The following LTF variants were observed in gnomAD, a reference collection of about 807,000 sequenced individuals.
LTF encodes lactotransferrin.
LTF carries 91 observed loss-of-function variants against 87.2 expected under a neutral mutation model. The ratio of observed to expected loss-of-function variants is 1.04; its 90% CI spans 0.88 to 1.24. The LOEUF (loss-of-function observed/expected upper bound fraction) is 1.24, where lower values mean the gene tolerates loss of function less well. LTF is among the 50% of genes most tolerant of loss of function. The pLI is 0.00. For synonymous variants in LTF, 378 were observed against 356.1 expected, an observed-to-expected ratio of 1.06 and a Z score of -0.69; for missense variants, 901 against 904.3, an observed-to-expected ratio of 1.00 and a Z score of 0.05.
In LTF at chr3:46,450,721, C is replaced by T. The variant is rs750957842; in HGVS notation, c.704-48G>A. The T allele has an allele frequency of 2.6e-6, 4 of 1,513,812 alleles. No individual in the cohort carries two copies. The African/African-American group carries it at 4.1e-5, about 16-fold the overall frequency. The allele number at this position is 1,513,812 out of a possible 1,614,324, so 93.8% of individuals were successfully genotyped here. On this transcript the variant is annotated intron_variant, in intron 6 of 16. Coordinates refer to ENST00000231751, the MANE Select transcript of LTF (RefSeq NM_002343.6). ...GGGAGTCTAGATAAGCCGACTCCAG[C>T]AGTAACCTCGAGCTATAGTTCCCCT...
intron 2 of LTF, among the ~76,000 whole-genome samples, chr3:46,457,482 GCA>G (rs1278735354): frequency 6.6e-6 from 1 of 152,200 alleles, no homozygotes. Flanking sequence ...CAGATGAGGA[GCA>G]CGTTTCCCCC....
intron 11 of LTF, 65 bp from the exon 12 acceptor site, chr3:46,445,501 T>C (rs1702631435): frequency 2.0e-6 from 3 of 1,481,510 alleles, no homozygotes; most frequent in East Asian, 2.3e-5. Context: ...TGGATTCCAG[T>C]GGAGCTGTCT....
At chr3:46,471,335 T>C (rs1374293478) in intron 1 of LTF, among the ~76,000 whole-genome samples, 1 of 152,216 alleles carries the variant, frequency 6.6e-6, no homozygotes, top group Non-Finnish European at 1.5e-5. Flanking sequence ...TCTGTCTCTA[T>C]TTCCCTCTCT....
chr3:46,439,223 C>G, intron 15 of LTF, 73 bp downstream of exon 15: 1 of 1,437,660 alleles, frequency 7.0e-7, no homozygotes, highest in East Asian at 2.3e-5. Flanking sequence ...GCTGGTGCAC[C>G]TAGCTCTGTG....
Position 46,436,021 on chromosome 3 carries a change from A to G in LTF, c.*174T>C. 2 of 631,716 alleles carry G rather than the reference A, an allele frequency of 3.2e-6. No homozygotes were observed. Among genetic ancestry groups the G allele is most frequent in the Non-Finnish European group, 5.6e-6 (2 of 354,198 alleles). The allele number at this position is 631,716 out of a possible 1,614,324, so 39.1% of individuals were successfully genotyped here. ...GACACTTTATAAGGAGAGAATATCA[A>G]CAAAATTTCTCATTTTACTTCTTGC... On this transcript the variant is annotated 3_prime_UTR_variant, in exon 17 of 17. Transcript: ENST00000231751.
intron 1 of LTF, among the ~76,000 whole-genome samples, chr3:46,464,085 C>T (rs1703152800): frequency 6.6e-6 from 1 of 152,188 alleles, no homozygotes; most frequent in Admixed American, 6.5e-5. Context: ...CGGCCTGGGA[C>T]CTTCCCCTCC....
upstream of LTF, chr3:46,469,463 G>C (rs978643676): frequency 6.6e-6 from 1 of 152,292 alleles, no homozygotes; most frequent in Non-Finnish European, 1.5e-5. Context: ...CCAGCTGAGT[G>C]GACTTGGGCA....
At chr3:46,471,973 G>T (rs1703295247) in intron 1 of LTF, among the ~76,000 whole-genome samples, 1 of 152,152 alleles carries the variant, frequency 6.6e-6, no homozygotes, top group African/African-American at 2.4e-5. Context: ...AGCCAATTTT[G>T]TTTGCAGTCA....
intron 5 of LTF, among the ~76,000 whole-genome samples, chr3:46,454,988 T>G (rs1702891183): frequency 6.6e-6 from 1 of 152,054 alleles, no homozygotes; most frequent in African/African-American, 2.4e-5. Flanking sequence ...GAAATTAGTA[T>G]GAGGAACCCA....
upstream of LTF, chr3:46,464,907 C>A (rs774034609): frequency 2.7e-5 from 43 of 1,607,294 alleles, no homozygotes; most frequent in Middle Eastern, 1.7e-4. Flanking sequence ...GAAGGCTCTG[C>A]CACTTGCGCC....
At chr3:46,451,527 G>A (rs1031239339) in intron 6 of LTF, among the ~76,000 whole-genome samples, 2 of 152,060 alleles carry the variant, frequency 1.3e-5, no homozygotes, top group Admixed American at 6.5e-5. Context: ...TTGTTTATGT[G>A]TTCAACATCT....
At chr3:46,454,583 G>A (rs1702880061) in intron 5 of LTF, among the ~76,000 whole-genome samples, 1 of 152,222 alleles carries the variant, frequency 6.6e-6, no homozygotes, top group South Asian at 2.1e-4. Flanking sequence ...TGCTTTGAGG[G>A]CTAAGAGGAC....
chr3:46,451,170 G>A (rs1025332507), intron 6 of LTF, among the ~76,000 whole-genome samples: 1 of 152,168 alleles, frequency 6.6e-6, no homozygotes, highest in Non-Finnish European at 1.5e-5. Context: ...ATGAGTTCAG[G>A]CAAATGTGGA....
At chr3:46,459,009 C>A (rs1330747364) in intron 2 of LTF, among the ~76,000 whole-genome samples, 2 of 152,218 alleles carry the variant, frequency 1.3e-5, no homozygotes, top group Non-Finnish European at 2.9e-5. Flanking sequence ...GCCTCGGGAA[C>A]TTTTATGCAA....
At chr3:46,463,109 A>G (rs1010501025) in intron 1 of LTF, among the ~76,000 whole-genome samples, 2 of 151,980 alleles carry the variant, frequency 1.3e-5, no homozygotes, top group African/African-American at 4.8e-5. Context: ...GAGCTATGTG[A>G]CCCCCTGAAG....
chr3:46,436,122 A>C lies in LTF; in HGVS notation c.*73T>G. 1.4e-6 allele frequency: 2 copies of C among 1,467,822 alleles called. No homozygotes were observed. The highest frequency in any genetic ancestry group is 9.6e-7 in the Non-Finnish European group (1 of 1,047,080). The allele number at this position is 1,467,822 out of a possible 1,614,324, so 90.9% of individuals were successfully genotyped here. A position where few individuals can be genotyped will look rare whatever the true frequency, so the allele number is the denominator to read the frequency against. ...CAGCAGGGGAGGCCAAGGCCCCAAC[A>C]CACCTGGGGAGAAGAGCTGGGGGCA... On this transcript the variant is annotated 3_prime_UTR_variant, in exon 17 of 17. Coordinates refer to ENST00000231751, the MANE Select transcript of LTF (RefSeq NM_002343.6).
chr3:46,463,645 G>A (rs1226574076), intron 1 of LTF: 3 of 985,416 alleles, frequency 3.0e-6, no homozygotes, highest in African/African-American at 1.7e-5. Flanking sequence ...AAACCCAGTG[G>A]TGCAACTCTG....
intron 1 of LTF, among the ~76,000 whole-genome samples, chr3:46,461,756 CA>C (rs778058654): frequency 5.1e-5 from 6 of 117,058 alleles, no homozygotes; most frequent in African/African-American, 9.7e-5. Context: ...GAATTGTACG[CA>C]AATAGGTGAT....
intron 1 of LTF, among the ~76,000 whole-genome samples, chr3:46,484,298 G>T (rs567341988): frequency 1.3e-5 from 2 of 152,328 alleles, no homozygotes; most frequent in East Asian, 3.9e-4. Context: ...AAAGAACAAA[G>T]TTGTTTGGCA....
Sources: allele counts gnomAD v4.1 joint callset (sites outside exome capture counted in the v4.1 genomes callset), GRCh38; gene constraint gnomAD v4.1.1; transcripts MANE v1.5; gene names NCBI Gene and HGNC (gene_info 2026-07-23, HGNC 2026-07-21).